CLTCL1: variants seen among roughly 807,000 people sequenced by gnomAD.
CLTCL1 encodes the protein clathrin heavy chain 2.
Under a neutral mutation model 190.0 loss-of-function variants are expected in CLTCL1, and 159 were observed. The ratio of observed to expected loss-of-function variants is 0.84; its 90% CI spans 0.74 to 0.95. CLTCL1 has a LOEUF of 0.95. Ranked by LOEUF, CLTCL1 falls within the 40% of genes least tolerant of loss-of-function variation. CLTCL1 has a pLI of 0.00. For synonymous variants in CLTCL1, 752 were observed against 769.6 expected (o/e 0.98, Z 0.38); for missense variants, 1,878 against 2,033.4 (o/e 0.92, Z 1.47).
intron 2 of CLTCL1, among the ~76,000 whole-genome samples, chr22:19,260,101 C>A (rs1470157480): frequency 6.6e-6 from 1 of 152,204 alleles, no homozygotes; most frequent in African/African-American, 2.4e-5. Context: ...CCCTAACTCT[C>A]TGCAATTCCA....
At position 19,225,641 on chromosome 22, in the gene CLTCL1, C is replaced by T. The variant is rs1555955514; in HGVS notation, c.1948-8G>A. 1 of 1,565,412 alleles carries T rather than the reference C, an allele frequency of 6.4e-7. No individual in the cohort carries two copies. Among genetic ancestry groups the T allele is most frequent in the South Asian group, 1.2e-5 (1 of 84,790 alleles). On this transcript the variant is annotated splice_region_variant and splice_polypyrimidine_tract_variant and intron_variant, in intron 12 of 32. Transcript: ENST00000427926. Reference sequence around the variant, plus strand: ...AAAGAAATTGACAAGCCACTGGGAACAAGGAAGAGTCTGTCCACAACGATG... The same window carrying T: ...AAAGAAATTGACAAGCCACTGGGAATAAGGAAGAGTCTGTCCACAACGATG...
At chr22:19,269,086 CAA>C (rs1276597870) in intron 2 of CLTCL1, among the ~76,000 whole-genome samples, 154 of 62,872 alleles carry the variant, frequency 2.4e-3, no homozygotes, top group Non-Finnish European at 3.4e-3. Flanking sequence ...CAAGACTCCT[CAA>C]AAAAAAAAAA....
In CLTCL1 at chr22:19,282,871, C is replaced by CT. The variant is rs782332608; in HGVS notation, c.43-7042dup. Among the ~76,000 whole-genome samples the CT allele has an allele frequency of 6.4e-3, 879 of 137,872 alleles. 2 individuals are homozygous for CT. Among genetic ancestry groups the CT allele is most frequent in the Middle Eastern group, 0.044 (12 of 274 alleles). 90.4% of individuals were successfully genotyped at this position (137,872 alleles called of 152,430 possible). ...GCCAGGTTTTTTCTTTCTTTCTTTC[C>CT]TTTTTTTTTTTTTTTTAGACAGAGT... On this transcript the variant is annotated intron_variant, in intron 1 of 32. Coordinates refer to ENST00000427926, the MANE Select transcript of CLTCL1 (RefSeq NM_007098.4).
chr22:19,278,310 A>G (rs1339299104), intron 1 of CLTCL1, among the ~76,000 whole-genome samples: 1 of 152,158 alleles, frequency 6.6e-6, no homozygotes. Flanking sequence ...TCAAGCCCCA[A>G]AATAAGAACA....
At chr22:19,199,628 G>C (rs2084816794) in intron 24 of CLTCL1, 106 bp downstream of exon 24, 1 of 735,146 alleles carries the variant, frequency 1.4e-6, no homozygotes, top group Non-Finnish European at 2.2e-6. Flanking sequence ...CATATTTGCA[G>C]ATGCAACACT....
chr22:19,199,015 A>G (rs959004006), intron 24 of CLTCL1, among the ~76,000 whole-genome samples: 10 of 152,094 alleles, frequency 6.6e-5, no homozygotes, highest in African/African-American at 2.4e-4. Context: ...CACCCAGCTA[A>G]TATCTGGACA....
At chr22:19,219,198 A>AAT (rs1555951045) in intron 18 of CLTCL1, among the ~76,000 whole-genome samples, 2 of 134,712 alleles carry the variant, frequency 1.5e-5, no homozygotes, top group Non-Finnish European at 3.1e-5. Flanking sequence ...TATTTATTTA[A>AAT]TTTTTTTGAG....
intron 3 of CLTCL1, 91 bp from the exon 4 acceptor site, chr22:19,243,027 A>T: frequency 7.9e-7 from 1 of 1,269,848 alleles, no homozygotes; most frequent in Non-Finnish European, 1.1e-6. Flanking sequence ...TGAAAGTCTC[A>T]TACATTAGAG....
At chr22:19,261,718 A>G (rs551840186) in intron 2 of CLTCL1, among the ~76,000 whole-genome samples, 5 of 152,352 alleles carry the variant, frequency 3.3e-5, no homozygotes, top group African/African-American at 1.2e-4. Flanking sequence ...CAATCTCAGG[A>G]TCAAACTTGA....
chr22:19,257,728 G>A, intron 2 of CLTCL1: 9 of 1,227,804 alleles, frequency 7.3e-6, no homozygotes, highest in Non-Finnish European at 9.9e-6. Flanking sequence ...GGGATGGCCA[G>A]GGGTCTGGCA....
intron 19 of CLTCL1, among the ~76,000 whole-genome samples, chr22:19,214,693 T>C (rs2085330551): frequency 6.6e-6 from 1 of 151,102 alleles, no homozygotes; most frequent in African/African-American, 2.4e-5. Flanking sequence ...TTTTTTTTTT[T>C]TTTTTGAGAT....
intron 30 of CLTCL1, 94 bp downstream of exon 30, chr22:19,183,296 A>T: frequency 9.0e-7 from 1 of 1,114,446 alleles, no homozygotes; most frequent in Non-Finnish European, 1.3e-6. Context: ...TTGGCCTCAA[A>T]GGGGCCCACC....
At chr22:19,182,540 C>G (rs1422681681) in intron 30 of CLTCL1, 3 of 152,226 alleles carry the variant, frequency 2.0e-5, no homozygotes, top group Non-Finnish European at 4.4e-5. Context: ...GGGCAGCCCC[C>G]TGGAGGCTCT....
chr22:19,204,219 G>A (rs1171386967), intron 22 of CLTCL1, among the ~76,000 whole-genome samples: 1 of 151,974 alleles, frequency 6.6e-6, no homozygotes, highest in Non-Finnish European at 1.5e-5. Context: ...TCCTGATGAC[G>A]ACCCCTGAAG....
At chr22:19,203,915 C>T (rs555885959) in intron 22 of CLTCL1, among the ~76,000 whole-genome samples, 1 of 152,350 alleles carries the variant, frequency 6.6e-6, no homozygotes, top group African/African-American at 2.4e-5. Flanking sequence ...GACCCGCCCT[C>T]ACTGCTTCTC....
intron 20 of CLTCL1, among the ~76,000 whole-genome samples, chr22:19,209,691 T>G (rs1319759015): frequency 1.3e-5 from 2 of 151,928 alleles, no homozygotes; most frequent in African/African-American, 4.8e-5. Context: ...GGTATAGAAA[T>G]AAGGTAAAGG....
intron 2 of CLTCL1, among the ~76,000 whole-genome samples, chr22:19,266,149 C>G (rs2087118195): frequency 6.6e-6 from 1 of 152,114 alleles, no homozygotes; most frequent in Non-Finnish European, 1.5e-5. Context: ...TCCCAAAGTG[C>G]TGGGATTACA....
Position 19,226,321 on chromosome 22 carries a change from C to G in CLTCL1, c.1845G>C (p.Gln615His). ...FTHYDRAHIA[Q>H]LCEKAGLLQQ... is the part of the protein sequence containing the mutation. ...GCAGGAGGCCTGCCTTCTCACAGAG[C>G]TGGGCAATGTGGGCCCGGTCGTAAT... The change falls in exon 12 of 33, where the codon CAG becomes CAC. Residue 615 changes from glutamine to histidine, a missense_variant. Coordinates refer to ENST00000427926, the MANE Select transcript of CLTCL1 (RefSeq NM_007098.4). 6.2e-7 allele frequency: 1 copy of G among 1,614,038 alleles called. No individual in the cohort carries two copies. Among genetic ancestry groups the G allele is most frequent in the Non-Finnish European group, 8.5e-7 (1 of 1,179,896 alleles).
intron 29 of CLTCL1, among the ~76,000 whole-genome samples, chr22:19,185,326 CTTT>C (rs58151537): frequency 7.0e-6 from 1 of 143,884 alleles, no homozygotes; most frequent in African/African-American, 2.5e-5. Context: ...CGGCCACTTT[CTTT>C]TTTTTTTTTT....
Sources: allele counts gnomAD v4.1 joint callset (sites outside exome capture counted in the v4.1 genomes callset), GRCh38; gene constraint gnomAD v4.1.1; transcripts MANE v1.5; gene names NCBI Gene and HGNC (gene_info 2026-07-23, HGNC 2026-07-21).